Variants in LYPD6B observed in about 807,000 individuals in gnomAD.
LYPD6B encodes ly6/PLAUR domain-containing protein 6B.
A neutral mutation model predicts 22.8 loss-of-function variants in LYPD6B; 17 were observed. The observed-to-expected ratio is 0.75, with a 90% CI of 0.51 to 1.12. The LOEUF is 1.12. LYPD6B is among the 50% of genes most tolerant of loss of function. The pLI is 0.00. For synonymous variants in LYPD6B, 106 were observed against 91.6 expected, an observed-to-expected ratio of 1.16 and a Z score of -0.90; for missense variants, 221 against 258.3, an observed-to-expected ratio of 0.86 and a Z score of 0.99.
intron 1 of LYPD6B, among the ~76,000 whole-genome samples, chr2:149,099,902 G>C (rs1254974684): frequency 6.6e-6 from 1 of 152,086 alleles, no homozygotes; most frequent in Non-Finnish European, 1.5e-5. Flanking sequence ...AGGGGCTTTG[G>C]TTAGGAAGTG....
At chr2:149,188,491 A>G (rs1212305472) in intron 3 of LYPD6B, among the ~76,000 whole-genome samples, 1 of 152,206 alleles carries the variant, frequency 6.6e-6, no homozygotes, top group East Asian at 1.9e-4. Flanking sequence ...CAGAGTCATT[A>G]CTCATTCAGG....
chr2:149,083,852 G>A (rs1685252446), intron 1 of LYPD6B, among the ~76,000 whole-genome samples: 1 of 151,982 alleles, frequency 6.6e-6, no homozygotes, highest in South Asian at 2.1e-4. Context: ...CAAGGAGGGT[G>A]GATCACAAGG....
At chr2:149,100,279 A>G (rs1373880541) in intron 1 of LYPD6B, among the ~76,000 whole-genome samples, 3 of 151,932 alleles carry the variant, frequency 2.0e-5, no homozygotes, top group African/African-American at 7.3e-5. Flanking sequence ...GCATTGGCTC[A>G]TGAACTGATG....
At chr2:149,045,787 T>C (rs1339485734) in intron 1 of LYPD6B, among the ~76,000 whole-genome samples, 1 of 152,158 alleles carries the variant, frequency 6.6e-6, no homozygotes, top group Non-Finnish European at 1.5e-5. Context: ...TTTAGATTTG[T>C]TCATATTTGT....
intron 1 of LYPD6B, among the ~76,000 whole-genome samples, chr2:149,097,204 C>A (rs1685944644): frequency 6.6e-6 from 1 of 152,220 alleles, no homozygotes; most frequent in Non-Finnish European, 1.5e-5. Flanking sequence ...GCGAAGAGAA[C>A]CTCTCCTACT....
At chr2:149,119,514 G>C (rs16826575) in intron 1 of LYPD6B, among the ~76,000 whole-genome samples, 15,860 of 152,218 alleles carry the variant, frequency 0.1, 2,357 homozygotes, top group African/African-American at 0.31. Context: ...ATGTACCTTT[G>C]TGACGTGAAC....
intron 1 of LYPD6B, among the ~76,000 whole-genome samples, chr2:149,079,167 G>A (rs972163588): frequency 2.0e-5 from 3 of 151,800 alleles, no homozygotes; most frequent in Non-Finnish European, 2.9e-5. Context: ...CTGTGAGGGC[G>A]GGGCTGGTGT....
At chr2:149,106,130 C>G (rs937504061) in intron 1 of LYPD6B, among the ~76,000 whole-genome samples, 5 of 151,860 alleles carry the variant, frequency 3.3e-5, no homozygotes, top group Non-Finnish European at 7.4e-5. Context: ...CCTTGCATTC[C>G]TGTAGTAAAA....
chr2:149,191,703 G>A (rs1451486173), intron 3 of LYPD6B, among the ~76,000 whole-genome samples: 3 of 152,176 alleles, frequency 2.0e-5, no homozygotes, highest in Non-Finnish European at 4.4e-5. Context: ...GCCTTTTCAG[G>A]TCAGGGAGAG....
intron 4 of LYPD6B, among the ~76,000 whole-genome samples, chr2:149,206,455 C>T (rs1264178894): frequency 6.6e-6 from 1 of 152,058 alleles, no homozygotes; most frequent in African/African-American, 2.4e-5. Context: ...CCTTGAACTA[C>T]CATTATACAT....
chr2:149,182,085 T>G (rs1463812283), intron 3 of LYPD6B, among the ~76,000 whole-genome samples: 1 of 152,208 alleles, frequency 6.6e-6, no homozygotes, highest in Non-Finnish European at 1.5e-5. Context: ...TACCTCACCA[T>G]GTGGTTGTAA....
At chr2:149,138,525 G>A (rs1219480875) in intron 2 of LYPD6B, among the ~76,000 whole-genome samples, 1 of 152,154 alleles carries the variant, frequency 6.6e-6, no homozygotes, top group African/African-American at 2.4e-5. Flanking sequence ...CTTTTGCATG[G>A]GTTTTCAGCA....
At chr2:149,185,082 G>A (rs6751737) in intron 3 of LYPD6B, among the ~76,000 whole-genome samples, 46,776 of 152,054 alleles carry the variant, frequency 0.31, 9,022 homozygotes, top group East Asian at 0.55. Context: ...GCTCAAATGT[G>A]GTAAGAGAGG....
intron 2 of LYPD6B, among the ~76,000 whole-genome samples, chr2:149,153,525 C>T (rs1183758323): frequency 6.6e-6 from 1 of 151,978 alleles, no homozygotes; most frequent in East Asian, 1.9e-4. Flanking sequence ...GCCTGTAATC[C>T]CATCACTTTG....
At chr2:149,164,956 T>A (rs1333791920) in intron 3 of LYPD6B, among the ~76,000 whole-genome samples, 1 of 152,234 alleles carries the variant, frequency 6.6e-6, no homozygotes, top group East Asian at 1.9e-4. Context: ...AATTTGCTCA[T>A]GATTCTGTGG....
intron 1 of LYPD6B, among the ~76,000 whole-genome samples, chr2:149,081,524 A>C (rs1685133626): frequency 6.6e-6 from 1 of 152,192 alleles, no homozygotes; most frequent in African/African-American, 2.4e-5. Flanking sequence ...GGTACAGCCA[A>C]AATTCAGGCC....
rs115728152 is a variant in LYPD6B at position 149,181,547 on chromosome 2, A to G, written c.77+20712A>G. 7.7e-3 allele frequency among the ~76,000 whole-genome samples: 1,167 copies of G among 152,260 alleles called. 15 individuals carry two copies. Among genetic ancestry groups the G allele is most frequent in the African/African-American group, 0.027 (1,126 of 41,538 alleles). On this transcript the variant is annotated intron_variant, in intron 3 of 6. Transcript: ENST00000409642. ...CTCCCACCTTCCATCCCTTGAACCC[A>G]TCTAGCACAGGAGAACACTGTATCA... is the stretch of plus-strand genomic sequence containing the variant.
chr2:149,083,491 A>G (rs934503676), intron 1 of LYPD6B, among the ~76,000 whole-genome samples: 2 of 152,204 alleles, frequency 1.3e-5, no homozygotes, highest in East Asian at 3.9e-4. Flanking sequence ...AAGCAGTAAC[A>G]GTCTCTACAC....
intron 3 of LYPD6B, among the ~76,000 whole-genome samples, chr2:149,166,236 T>C (rs1690412888): frequency 6.6e-6 from 1 of 152,206 alleles, no homozygotes; most frequent in Non-Finnish European, 1.5e-5. Context: ...GGTGGGTTGA[T>C]AGCCTTTTTA....
Sources: allele counts gnomAD v4.1 joint callset (sites outside exome capture counted in the v4.1 genomes callset), GRCh38; gene constraint gnomAD v4.1.1; transcripts MANE v1.5; gene names NCBI Gene and HGNC (gene_info 2026-07-23, HGNC 2026-07-21).